IQSEC1: variants seen among roughly 807,000 people sequenced by gnomAD.
The protein encoded by IQSEC1 is IQ motif and SEC7 domain-containing protein 1.
In IQSEC1, 31 loss-of-function variants were observed where a neutral mutation model predicts 91.0. The observed-to-expected ratio is 0.34, with a 90% confidence interval of 0.26 to 0.46. IQSEC1 has a LOEUF of 0.46. Ranked by LOEUF, IQSEC1 falls within the 20% of genes least tolerant of loss-of-function variation. The probability of loss-of-function intolerance (pLI) is 1.00; values close to 1 mark genes in which losing one functional copy is unlikely to be tolerated. For missense variants in IQSEC1, 1,388 were observed against 1,575.6 expected (o/e 0.88, Z 2.02); for synonymous variants, 699 against 662.6 (o/e 1.05, Z -0.84).
chr3:13,020,838 A>G (rs1360114254), intron 1 of IQSEC1, among the ~76,000 whole-genome samples: 1 of 151,966 alleles, frequency 6.6e-6, no homozygotes, highest in Non-Finnish European at 1.5e-5. Context: ...CTGGCTTCTG[A>G]TGTTTTTTAT....
At chr3:13,084,275 A>T (rs1246219788) in intron 2 of IQSEC1, among the ~76,000 whole-genome samples, 3 of 152,092 alleles carry the variant, frequency 2.0e-5, no homozygotes, top group African/African-American at 2.4e-5. Flanking sequence ...AGGAACGGGC[A>T]TCACTACATA....
chr3:13,217,670 T>C (rs1274951000), intron 1 of IQSEC1, among the ~76,000 whole-genome samples: 1 of 152,232 alleles, frequency 6.6e-6, no homozygotes, highest in Non-Finnish European at 1.5e-5. Flanking sequence ...CATGTCCCTA[T>C]AAACTACTTA....
chr3:13,222,381 T>C (rs1367788334), intron 1 of IQSEC1, among the ~76,000 whole-genome samples: 5 of 152,204 alleles, frequency 3.3e-5, no homozygotes, highest in Admixed American at 1.3e-4. Context: ...ACGGACACTT[T>C]CTTTGCTTCC....
rs1019445717 is a variant in IQSEC1, at chr3:13,073,189, G to A, written c.-175C>T. On this transcript the variant is annotated 5_prime_UTR_variant, in exon 1 of 14. Coordinates refer to ENST00000613206, the MANE Select transcript of IQSEC1 (RefSeq NM_001134382.3). ...CTCCAGGGAGGCTGGGGCGGGAGCGGGGGGCGGCGCCAGCAGCGGGCTGTG... is the reference window on the plus strand; with the variant it reads ...CTCCAGGGAGGCTGGGGCGGGAGCGAGGGGCGGCGCCAGCAGCGGGCTGTG... The A allele has an allele frequency of 1.4e-5, 10 of 704,260 alleles. No homozygotes were observed. The highest frequency in any genetic ancestry group is 3.5e-5 in the African/African-American group (2 of 56,374). 43.6% of individuals were successfully genotyped at this position (704,260 alleles called of 1,614,324 possible). A position where few individuals can be genotyped will look rare whatever the true frequency, so the allele number is the denominator to read the frequency against.
Position 13,073,052 on chromosome 3 carries a change from T to G in IQSEC1, c.-38A>C. 6.4e-7 allele frequency: 1 copy of G among 1,551,432 alleles called. No homozygotes were observed. The highest frequency in any genetic ancestry group is 8.7e-7 in the Non-Finnish European group (1 of 1,146,750). On this transcript the variant is annotated 5_prime_UTR_variant, in exon 1 of 14. Transcript: ENST00000613206. ...CGTTCTTCCCTGTTCTGGCTCCCTC[T>G]CCAGCGGGGAGGCTCAACGTGTTTC...
intron 1 of IQSEC1, among the ~76,000 whole-genome samples, chr3:13,062,241 T>C (rs986461693): frequency 6.6e-6 from 1 of 152,158 alleles, no homozygotes; most frequent in African/African-American, 2.4e-5. Flanking sequence ...TCACATTTCT[T>C]AAGTCCTAGC....
Position 12,935,581 on chromosome 3 carries a change from C to A in IQSEC1, c.1435G>T (p.Asp479Tyr). The A allele has an allele frequency of 6.2e-7, 1 of 1,614,118 alleles. No individual in the cohort carries two copies. The highest frequency in any genetic ancestry group is 8.5e-7 in the Non-Finnish European group (1 of 1,180,030). ...INCSSESSSR[D>Y]SLREQTLSKQ... ...CTGAGCGTCTGCTCCCGCAGGCTGT[C>A]ACGGGACGATGACTCGGAGCTGCAG... Residue 479 changes from aspartate to tyrosine, a missense_variant, in exon 3 of 14, where the codon GAC becomes TAC. Physicochemically the swap from Asp to Tyr is radical, Grantham distance 160. Coordinates refer to ENST00000613206, the MANE Select transcript of IQSEC1 (RefSeq NM_001134382.3). The surrounding 1 kb of genome is among the most constrained non-coding windows in gnomAD (Gnocchi z 8.0).
chr3:13,224,950 C>A (rs1204663700), intron 1 of IQSEC1, among the ~76,000 whole-genome samples: 1 of 152,236 alleles, frequency 6.6e-6, no homozygotes, highest in African/African-American at 2.4e-5. Flanking sequence ...CTCTGTGAAG[C>A]CCAAGCCTGG....
chr3:13,112,113 C>T (rs762242019), intron 2 of IQSEC1, among the ~76,000 whole-genome samples: 1 of 152,210 alleles, frequency 6.6e-6, no homozygotes, highest in Non-Finnish European at 1.5e-5. Flanking sequence ...TCCTACTCAG[C>T]CTCCAAGGCA....
At chr3:13,252,759 G>C (rs1286121440) in intron 1 of IQSEC1, among the ~76,000 whole-genome samples, 1 of 149,040 alleles carries the variant, frequency 6.7e-6, no homozygotes, top group African/African-American at 2.5e-5. Flanking sequence ...TTGAGACGGA[G>C]TCTTGCTCTG....
chr3:13,186,171 A>G (rs899160023), intron 1 of IQSEC1, among the ~76,000 whole-genome samples: 1 of 152,202 alleles, frequency 6.6e-6, no homozygotes, highest in African/African-American at 2.4e-5. Context: ...AACATAGGTA[A>G]TTGAGGATCC....
At chr3:13,073,441 G>C (rs1213907363), upstream of IQSEC1, among the ~76,000 whole-genome samples, 1 of 152,162 alleles carries the variant, frequency 6.6e-6, no homozygotes, top group Non-Finnish European at 1.5e-5. Flanking sequence ...GAGAAGGGGC[G>C]GGCGCGCCGG....
At chr3:13,066,182 T>TA (rs1705222476) in intron 1 of IQSEC1, among the ~76,000 whole-genome samples, 1 of 152,084 alleles carries the variant, frequency 6.6e-6, no homozygotes, top group African/African-American at 2.4e-5. Context: ...TGAATGCACT[T>TA]ACTGCCGCTG....
intron 1 of IQSEC1, among the ~76,000 whole-genome samples, chr3:12,975,832 C>G (rs888324189): frequency 6.6e-6 from 1 of 152,348 alleles, no homozygotes; most frequent in Admixed American, 6.5e-5. Flanking sequence ...GTCCCAAGTT[C>G]ATTCTTACAA....
chr3:12,958,891 T>C (rs1241266998), intron 1 of IQSEC1, among the ~76,000 whole-genome samples: 1 of 152,114 alleles, frequency 6.6e-6, no homozygotes, highest in Non-Finnish European at 1.5e-5. Flanking sequence ...CACTGTGGGG[T>C]GGCACAGCAC....
intron 2 of IQSEC1, among the ~76,000 whole-genome samples, chr3:13,135,695 T>G (rs1706695421): frequency 6.6e-6 from 1 of 152,136 alleles, no homozygotes; most frequent in Non-Finnish European, 1.5e-5. Context: ...CGCCTCACTG[T>G]GCACAGGACA....
rs1705180330 is a variant in IQSEC1, at chr3:13,064,796, T to C, written c.23+8196A>G. On this transcript the variant is annotated intron_variant, in intron 1 of 13. Coordinates refer to ENST00000613206, the MANE Select transcript of IQSEC1 (RefSeq NM_001134382.3). ...TCGCAGATTTTCATGCCCATAAATA[T>C]CTGTGTGGATTCTTGGTGTGGGGGC... Among the ~76,000 whole-genome samples, 2 of 152,244 alleles carry C rather than the reference T, an allele frequency of 1.3e-5. 1 individual carries two copies. Among genetic ancestry groups the C allele is most frequent in the Admixed American group, 1.3e-4 (2 of 15,286 alleles).
intron 1 of IQSEC1, among the ~76,000 whole-genome samples, chr3:12,977,352 GAAA>G (rs5846795): frequency 2.1e-5 from 3 of 145,024 alleles, no homozygotes; most frequent in African/African-American, 7.7e-5. Flanking sequence ...TGTCTCCAGG[GAAA>G]AAAAAAAAAA....
At chr3:13,156,939 G>T (rs555753500) in intron 2 of IQSEC1, among the ~76,000 whole-genome samples, 1 of 152,344 alleles carries the variant, frequency 6.6e-6, no homozygotes, top group African/African-American at 2.4e-5. Context: ...AGTGATGGAG[G>T]AGAGAATGGA....
Sources: gnomAD v4.1 joint callset for allele counts (sites outside exome capture counted in the v4.1 genomes callset) on GRCh38, gnomAD v4.1.1 for gene constraint, Gnocchi (gnomAD v3.1) non-coding constraint, MANE v1.5 for transcripts, NCBI Gene and HGNC (gene_info 2026-07-23, HGNC 2026-07-21) for gene names.